The following ARIH1 variants were observed in gnomAD, a reference collection of about 807,000 sequenced individuals.
The protein encoded by ARIH1 is ariadne RBR E3 ubiquitin protein ligase 1, also known as E3 ubiquitin-protein ligase ARIH1.
Under a neutral mutation model 85.0 loss-of-function variants are expected in ARIH1, and 8 were observed. That is an observed-to-expected ratio of 0.09 (90% CI 0.06 to 0.17). The LOEUF (loss-of-function observed/expected upper bound fraction) is 0.17, where lower values mean the gene tolerates loss of function less well. ARIH1 is among the 10% of genes least tolerant of loss of function. ARIH1 has a pLI of 1.00. For synonymous variants in ARIH1, 238 were observed against 253.6 expected, an observed-to-expected ratio of 0.94 and a Z score of 0.59; for missense variants, 311 against 718.1, an observed-to-expected ratio of 0.43 and a Z score of 6.48.
At chr15:72,561,818 C>A (rs935299271) in intron 6 of ARIH1, among the ~76,000 whole-genome samples, 1 of 151,996 alleles carries the variant, frequency 6.6e-6, no homozygotes, top group South Asian at 2.1e-4. Context: ...TCTAAAAATA[C>A]AAAAATTAGC....
rs1005999782 is a variant in ARIH1 at position 72,545,389 on chromosome 15, A to C, written c.588+425A>C. On this transcript the variant is annotated intron_variant, in intron 3 of 13. Transcript: ENST00000379887. Reference sequence around the variant, plus strand: ...GAACTCTCAGAATTCTTCAGAAGATAAGATTTTCACTTAATCAAATCCATT... The same window carrying C: ...GAACTCTCAGAATTCTTCAGAAGATCAGATTTTCACTTAATCAAATCCATT... 2.0e-5 allele frequency among the ~76,000 whole-genome samples: 3 copies of C among 152,372 alleles called. No homozygotes were observed. In the East Asian group the frequency reaches 5.8e-4, roughly 29 times the overall value.
rs776903048 is a variant in ARIH1 at position 72,474,969 on chromosome 15, A to G, written c.330A>G (p.Leu110=). ...RYEVLTAEQI[L]QHMVECIREV... is the part of the protein sequence containing the mutation. ...AGGTGCTCACGGCCGAGCAGATTCT[A>G]CAACACATGGTGGAATGTATCCGGG... The change falls in exon 1 of 14, where the codon CTA becomes CTG. Residue 110 remains leucine, a synonymous_variant. Transcript: ENST00000379887. 193 of 1,560,130 alleles carry G rather than the reference A, an allele frequency of 1.2e-4. 1 individual carries two copies. The East Asian group carries it at 4.4e-3, about 36-fold the overall frequency.
chr15:72,541,570 T>C (rs2064107692), intron 2 of ARIH1, among the ~76,000 whole-genome samples: 1 of 151,994 alleles, frequency 6.6e-6, no homozygotes, highest in South Asian at 2.1e-4. Context: ...AAAACAAATA[T>C]GGAAGAACAG....
rs1048842550 is a variant in ARIH1 at position 72,582,019 on chromosome 15, T to G, written c.1477-56T>G. 1.6e-6 allele frequency: 2 copies of G among 1,226,972 alleles called. No homozygotes were observed. Among genetic ancestry groups the G allele is most frequent in the Non-Finnish European group, 2.4e-6 (2 of 842,396 alleles). The allele number at this position is 1,226,972 out of a possible 1,614,324, so 76.0% of individuals were successfully genotyped here. A position where few individuals can be genotyped will look rare whatever the true frequency, so the allele number is the denominator to read the frequency against. On this transcript the variant is annotated intron_variant, in intron 12 of 13. Transcript: ENST00000379887. This position sits in a 1 kb window ranked among gnomAD's most constrained non-coding sequence, Gnocchi z 4.6. ...TCTGTAGTCAACAAAACAGTGAAAA[T>G]GGTTTATCTTTTAGCTTTATTTTGA...
chr15:72,539,937 TATC>T (rs1567350876), intron 2 of ARIH1, among the ~76,000 whole-genome samples: 1 of 152,266 alleles, frequency 6.6e-6, no homozygotes, highest in African/African-American at 2.4e-5. Context: ...AAAAAACAGT[TATC>T]ATTCTTGAAA....
chr15:72,554,903 G>A (rs961800114), intron 3 of ARIH1, among the ~76,000 whole-genome samples: 1 of 152,096 alleles, frequency 6.6e-6, no homozygotes, highest in African/African-American at 2.4e-5. Context: ...ACAGGCGTGC[G>A]TCATGATGGC....
intron 1 of ARIH1, among the ~76,000 whole-genome samples, chr15:72,493,637 C>T (rs2063868180): frequency 6.6e-6 from 1 of 152,096 alleles, no homozygotes; most frequent in African/African-American, 2.4e-5. Context: ...AACTAGTTAG[C>T]TCTGAGTAGA....
intron 11 of ARIH1, among the ~76,000 whole-genome samples, chr15:72,573,369 T>A (rs1034967865): frequency 1.3e-5 from 2 of 152,126 alleles, no homozygotes; most frequent in Admixed American, 6.5e-5. Context: ...CAGACCAGCC[T>A]GGCCACTATG....
At chr15:72,537,577 G>A (rs765241102) in intron 2 of ARIH1, among the ~76,000 whole-genome samples, 4 of 151,948 alleles carry the variant, frequency 2.6e-5, no homozygotes, top group African/African-American at 9.7e-5. Context: ...TAAATGTGAC[G>A]GCAGTTCTTA....
intron 2 of ARIH1, among the ~76,000 whole-genome samples, chr15:72,522,238 G>A (rs1052105650): frequency 1.3e-5 from 2 of 152,170 alleles, no homozygotes; most frequent in African/African-American, 2.4e-5. Flanking sequence ...ACTGGGCTGC[G>A]CACCATGGCT....
intron 1 of ARIH1, 70 bp from the exon 2 acceptor site, chr15:72,517,997 C>A: frequency 1.7e-6 from 2 of 1,183,198 alleles, no homozygotes; most frequent in Non-Finnish European, 2.5e-6. Context: ...TTAACTTCAA[C>A]CTAGGAGTTC....
chr15:72,521,499 A>G (rs1456317924), intron 2 of ARIH1, among the ~76,000 whole-genome samples: 1 of 151,320 alleles, frequency 6.6e-6, no homozygotes, highest in African/African-American at 2.4e-5. Context: ...GCTTTCTGGA[A>G]TTCCTGGATC....
chr15:72,508,874 AG>A (rs1294527152), intron 1 of ARIH1, among the ~76,000 whole-genome samples: 1 of 151,582 alleles, frequency 6.6e-6, no homozygotes, highest in African/African-American at 2.4e-5. Context: ...TTGTATTTTT[AG>A]TAGAGATGAG....
rs1240821083 is a variant in ARIH1, at chr15:72,580,591, G to T, written c.1216-140G>T. The T allele has an allele frequency of 3.8e-6, 3 of 782,342 alleles. No individual in the cohort carries two copies. In the East Asian group the frequency reaches 8.1e-5, roughly 21 times the overall value. The allele number at this position is 782,342 out of a possible 1,614,324, so 48.5% of individuals were successfully genotyped here. A position where few individuals can be genotyped will look rare whatever the true frequency, so the allele number is the denominator to read the frequency against. ...CTCCTTCTTTCTTTATCTTTGCCAAGACTTATCTTTCATCTTTTTGATAAA... is the reference window on the plus strand; with the variant it reads ...CTCCTTCTTTCTTTATCTTTGCCAATACTTATCTTTCATCTTTTTGATAAA... On this transcript the variant is annotated intron_variant, in intron 11 of 13. Coordinates refer to ENST00000379887, the MANE Select transcript of ARIH1 (RefSeq NM_005744.5).
chr15:72,520,573 T>C lies in ARIH1; in HGVS notation c.443+2439T>C, dbSNP rs143292693. On this transcript the variant is annotated intron_variant, in intron 2 of 13. Transcript: ENST00000379887. ...TACTGTCATTTTAAGTTGTGCTTTA[T>C]ATTTGTTATGTTTTCTGTTCGCTTA... is the stretch of plus-strand genomic sequence containing the variant. 1.3e-3 allele frequency among the ~76,000 whole-genome samples: 192 copies of C among 152,330 alleles called. 1 individual carries two copies. The highest frequency in any genetic ancestry group is 4.5e-3 in the African/African-American group (186 of 41,594).
intron 1 of ARIH1, among the ~76,000 whole-genome samples, chr15:72,477,707 A>G (rs1480669318): frequency 2.0e-5 from 3 of 152,208 alleles, no homozygotes; most frequent in Non-Finnish European, 4.4e-5. Flanking sequence ...AAAAGACCAA[A>G]TTAAACAATT....
At chr15:72,559,512 TCACC>T (rs1220308843) in intron 5 of ARIH1, among the ~76,000 whole-genome samples, 2 of 152,084 alleles carry the variant, frequency 1.3e-5, no homozygotes, top group African/African-American at 4.8e-5. Flanking sequence ...CCCCAAGTGA[TCACC>T]CACCTCTGCC....
In ARIH1 at chr15:72,595,969, T is replaced by C. The variant is rs2064362148; in HGVS notation, c.*12677T>C. 6.6e-6 allele frequency: 1 copy of C among 152,112 alleles called. No individual in the cohort carries two copies. Among genetic ancestry groups the C allele is most frequent in the Non-Finnish European group, 1.5e-5 (1 of 68,014 alleles). 9.4% of individuals were successfully genotyped at this position (152,112 alleles called of 1,614,324 possible). A position where few individuals can be genotyped will look rare whatever the true frequency, so the allele number is the denominator to read the frequency against. On this transcript the variant is annotated 3_prime_UTR_variant, in exon 14 of 14. Transcript: ENST00000379887. ...CCAAGTAAGTGGGATTATAGGCACA[T>C]GTCACCAAGCTCAGCTAACTTTTAT...
chr15:72,544,981 T>TA lies in ARIH1; in HGVS notation c.588+17_588+18insA. ...CCTAACTCGGTGAGTATCTGGTAGT[T>TA]TAAGGCTAGTGCTGACTTTGTATTT... is the stretch of plus-strand genomic sequence containing the variant. On this transcript the variant is annotated intron_variant, in intron 3 of 13. Transcript: ENST00000379887. 1 of 1,546,218 alleles carries TA rather than the reference T, an allele frequency of 6.5e-7. No individual in the cohort carries two copies. Among genetic ancestry groups the TA allele is most frequent in the African/African-American group, 1.4e-5 (1 of 73,360 alleles).
Sources: gnomAD v4.1 joint callset for allele counts (sites outside exome capture counted in the v4.1 genomes callset) on GRCh38, gnomAD v4.1.1 for gene constraint, Gnocchi (gnomAD v3.1) non-coding constraint, MANE v1.5 for transcripts, NCBI Gene and HGNC (gene_info 2026-07-23, HGNC 2026-07-21) for gene names.